The following TNPO3 variants were observed in gnomAD, a reference collection of about 807,000 sequenced individuals.
The protein encoded by TNPO3 is transportin 3, also known as transportin-3.
Under a neutral mutation model 122.8 loss-of-function variants are expected in TNPO3, and 65 were observed. That is an observed-to-expected ratio of 0.53 (90% CI 0.43 to 0.65). The LOEUF is 0.65. Among genes scored for constraint, TNPO3 ranks in the 30% least tolerant of loss-of-function variants. The pLI is 0.00. For synonymous variants in TNPO3, 372 were observed against 411.2 expected (o/e 0.90, Z 1.15); for missense variants, 850 against 1,136.7 (o/e 0.75, Z 3.63).
intron 8 of TNPO3, among the ~76,000 whole-genome samples, chr7:128,996,900 A>G (rs188677679): frequency 2.6e-5 from 4 of 152,152 alleles, no homozygotes; most frequent in African/African-American, 7.2e-5. Flanking sequence ...ACTGCTGTAC[A>G]TGGGTTTATA....
Position 128,975,897 on chromosome 7 carries a change from G to C in TNPO3, c.2100C>G (p.Phe700Leu). ...CCACAAGGATACTGCCAAGGTACAG[G>C]AAGCAGGAATGCTGATGTACGTGGT... The part of the protein sequence containing the change: ...NVYHVHQHSC[F>L]LYLGSILVDE... The change falls in exon 17 of 23, where the codon TTC (phenylalanine) becomes TTG (leucine). Residue 700 changes from phenylalanine (F) to leucine (L), a missense_variant. Physicochemically the swap from Phe to Leu is conservative, Grantham distance 22 (BLOSUM62 0). Transcript: ENST00000265388. 6.2e-7 allele frequency: 1 copy of C among 1,614,110 alleles called. No individual in the cohort carries two copies. Among genetic ancestry groups the C allele is most frequent in the South Asian group, 1.1e-5 (1 of 91,070 alleles).
intron 19 of TNPO3, among the ~76,000 whole-genome samples, chr7:128,971,608 CCT>C (rs1383802472): frequency 2.0e-5 from 3 of 152,218 alleles, no homozygotes; most frequent in African/African-American, 7.2e-5. Context: ...ACTGCTCTCC[CCT>C]GTCTACAATT....
intron 9 of TNPO3, among the ~76,000 whole-genome samples, chr7:128,993,079 A>T (rs1358357160): frequency 5.3e-5 from 8 of 151,938 alleles, no homozygotes; most frequent in Non-Finnish European, 1.0e-4. Flanking sequence ...TTATACTTTT[A>T]TTAATACTTT....
At chr7:129,026,394 ATTT>A (rs969403916) in intron 1 of TNPO3, among the ~76,000 whole-genome samples, 2 of 94,696 alleles carry the variant, frequency 2.1e-5, no homozygotes, top group African/African-American at 4.4e-5. Flanking sequence ...TGACGTTTGA[ATTT>A]TTTTTTTTTT....
chr7:128,973,093 A>G (rs1307011445), intron 18 of TNPO3, among the ~76,000 whole-genome samples: 1 of 152,210 alleles, frequency 6.6e-6, no homozygotes. Flanking sequence ...ATCAAGAAAG[A>G]CCAGTCAAAA....
In TNPO3 at chr7:129,015,726, G is replaced by A. The variant is rs576716154; in HGVS notation, c.396-591C>T. The stretch of plus-strand genomic sequence containing the variant: ...TATGCATCTGTAATCCCAGCTACTC[G>A]GGAGACTGAGGCAGAAGGATCTCAT... On this transcript the variant is annotated intron_variant, in intron 3 of 22. Transcript: ENST00000265388. Among the ~76,000 whole-genome samples, 22 of 152,170 alleles carry A rather than the reference G, an allele frequency of 1.4e-4. No individual in the cohort carries two copies. The East Asian group carries it at 3.5e-3, about 24-fold the overall frequency.
At chr7:129,014,927 C>T (rs1270394267) in intron 4 of TNPO3, 52 bp downstream of exon 4, 21 of 1,510,608 alleles carry the variant, frequency 1.4e-5, no homozygotes, top group South Asian at 7.9e-5. Context: ...ACAAAATAAC[C>T]GCCATGGCTT....
At chr7:128,961,557 T>C (rs1253824809) in intron 21 of TNPO3, among the ~76,000 whole-genome samples, 3 of 152,200 alleles carry the variant, frequency 2.0e-5, no homozygotes, top group Non-Finnish European at 4.4e-5. Flanking sequence ...ATGACTGTAT[T>C]TTCTGTCTCG....
chr7:129,027,030 A>C (rs1805270410), intron 1 of TNPO3, among the ~76,000 whole-genome samples: 1 of 151,704 alleles, frequency 6.6e-6, no homozygotes, highest in Admixed American at 6.6e-5. Flanking sequence ...TGCCTGCCTC[A>C]GCCTCCCAAA....
chr7:128,961,593 A>G (rs1797464182), intron 21 of TNPO3, among the ~76,000 whole-genome samples: 1 of 152,102 alleles, frequency 6.6e-6, no homozygotes, highest in Non-Finnish European at 1.5e-5. Flanking sequence ...GATATTTCTT[A>G]GCTTTCTATT....
chr7:129,047,440 A>G lies in TNPO3; in HGVS notation c.120+7211T>C, dbSNP rs75973243. 6.1e-3 allele frequency among the ~76,000 whole-genome samples: 926 copies of G among 152,332 alleles called. 24 individuals carry two copies. The East Asian group carries it at 0.082, about 13-fold the overall frequency. ...CTGCCTCAAAATACTCTCTTTCAGA[A>G]CACTTTGAAGTTATCAGTGATATCT... On this transcript the variant is annotated intron_variant, in intron 1 of 22. Transcript: ENST00000265388.
chr7:128,991,293 C>G (rs1329599331), intron 10 of TNPO3, among the ~76,000 whole-genome samples: 2 of 152,152 alleles, frequency 1.3e-5, no homozygotes, highest in African/African-American at 4.8e-5. Context: ...AAGAAAGAAG[C>G]ATTGTGCTTT....
intron 1 of TNPO3, among the ~76,000 whole-genome samples, chr7:129,052,877 A>G (rs1481295400): frequency 6.6e-6 from 1 of 152,234 alleles, no homozygotes. Context: ...TTAGAAAACT[A>G]TACAAAGATC....
At chr7:128,983,507 A>G (rs1173332151) in intron 13 of TNPO3, among the ~76,000 whole-genome samples, 3 of 152,160 alleles carry the variant, frequency 2.0e-5, no homozygotes, top group African/African-American at 7.2e-5. Context: ...CCGGCTGATC[A>G]AAGACTCCTT....
At chr7:128,987,671 C>T (rs1800309714) in intron 11 of TNPO3, among the ~76,000 whole-genome samples, 2 of 152,164 alleles carry the variant, frequency 1.3e-5, no homozygotes, top group African/African-American at 2.4e-5. Context: ...ACCTCCATCT[C>T]GCAGGTTCAA....
chr7:128,976,860 CCATTCCATGTT>C (rs1392308960), intron 16 of TNPO3, among the ~76,000 whole-genome samples: 1 of 152,180 alleles, frequency 6.6e-6, no homozygotes, highest in Admixed American at 6.5e-5. Context: ...AGCTATGAAT[CCATTCCATGTT>C]GTAAACTCAA....
intron 17 of TNPO3, 147 bp from the exon 18 acceptor site, chr7:128,975,109 A>T: frequency 1.5e-6 from 1 of 654,340 alleles, no homozygotes; most frequent in Non-Finnish European, 2.6e-6. Context: ...TGAGAATCTG[A>T]TCAGGAAAAG....
At chr7:129,033,414 T>C (rs887324807) in intron 1 of TNPO3, among the ~76,000 whole-genome samples, 13 of 151,986 alleles carry the variant, frequency 8.6e-5, no homozygotes, top group African/African-American at 3.1e-4. Flanking sequence ...GAATGACCAC[T>C]ATCCAAAAAA....
At chr7:128,958,023 C>G (rs1342640147) in intron 21 of TNPO3, among the ~76,000 whole-genome samples, 1 of 152,046 alleles carries the variant, frequency 6.6e-6, no homozygotes, top group East Asian at 1.9e-4. Context: ...AAAACTGTCA[C>G]CAAGAAACCA....
Sources: allele counts gnomAD v4.1 joint callset (sites outside exome capture counted in the v4.1 genomes callset), GRCh38; gene constraint gnomAD v4.1.1; transcripts MANE v1.5; gene names NCBI Gene and HGNC (gene_info 2026-07-23, HGNC 2026-07-21).